Variants in RBBP5 observed in about 807,000 individuals in gnomAD.
RBBP5 encodes retinoblastoma-binding protein 5.
Under a neutral mutation model 72.2 loss-of-function variants are expected in RBBP5, and 5 were observed. That is an observed-to-expected ratio of 0.07 (90% CI 0.04 to 0.15). The LOEUF (loss-of-function observed/expected upper bound fraction) is 0.15, where lower values mean the gene tolerates loss of function less well. RBBP5 is among the 10% of genes least tolerant of loss of function. The pLI is 1.00. For missense variants in RBBP5, 322 were observed against 652.2 expected (o/e 0.49, Z 5.51); for synonymous variants, 209 against 237.2 (o/e 0.88, Z 1.09).
chr1:205,113,457 T>G (rs1157734984), intron 3 of RBBP5, among the ~76,000 whole-genome samples: 1 of 152,012 alleles, frequency 6.6e-6, no homozygotes, highest in Non-Finnish European at 1.5e-5. Flanking sequence ...TTTTTTTACT[T>G]TTTGTAGAGA....
At chr1:205,096,182 G>C (rs1198183365) in intron 12 of RBBP5, among the ~76,000 whole-genome samples, 4 of 151,870 alleles carry the variant, frequency 2.6e-5, no homozygotes, top group African/African-American at 9.7e-5. Flanking sequence ...AACAGAGCGA[G>C]ACCCTGTCTC....
intron 3 of RBBP5, among the ~76,000 whole-genome samples, chr1:205,112,353 T>A (rs1656350708): frequency 6.6e-6 from 1 of 152,098 alleles, no homozygotes. Context: ...ATAAATTATC[T>A]CATCTATGAC....
intron 3 of RBBP5, 126 bp from the exon 4 acceptor site, chr1:205,105,294 C>A: frequency 2.8e-6 from 3 of 1,083,042 alleles, no homozygotes; most frequent in Non-Finnish European, 3.9e-6. Flanking sequence ...GGTTTTGTTC[C>A]ACGTATACTC....
chr1:205,095,990 C>A (rs575231535), intron 12 of RBBP5, among the ~76,000 whole-genome samples: 18 of 152,060 alleles, frequency 1.2e-4, no homozygotes, highest in African/African-American at 4.3e-4. Flanking sequence ...GTCTGGAGTT[C>A]GAGACCAGCC....
At chr1:205,103,643 C>A (rs1455716098) in intron 5 of RBBP5, among the ~76,000 whole-genome samples, 1 of 152,118 alleles carries the variant, frequency 6.6e-6, no homozygotes. Context: ...CAGTAAAGGT[C>A]CTCCCATGCT....
chr1:205,105,312 T>C, intron 3 of RBBP5, 144 bp from the exon 4 acceptor site: 1 of 867,630 alleles, frequency 1.2e-6, no homozygotes, highest in South Asian at 2.1e-5. Context: ...CTCAAATCCA[T>C]AAGCTTTTCC....
In RBBP5 at chr1:205,088,536, C is replaced by A; in HGVS notation, c.*251G>T. 2.1e-6 allele frequency: 1 copy of A among 467,544 alleles called. No homozygotes were observed. Among genetic ancestry groups the A allele is most frequent in the South Asian group, 3.3e-5 (1 of 29,996 alleles). The allele number at this position is 467,544 out of a possible 1,614,324, so 29.0% of individuals were successfully genotyped here. On this transcript the variant is annotated 3_prime_UTR_variant, in exon 14 of 14. Coordinates refer to ENST00000264515, the MANE Select transcript of RBBP5 (RefSeq NM_005057.4). ...ATCAAAGTTTAAATGAGTCAAAATT[C>A]CTATCTGATGTCTTCACAAATCTTC...
At chr1:205,089,582 C>T (rs1248480687) in intron 13 of RBBP5, among the ~76,000 whole-genome samples, 1 of 152,146 alleles carries the variant, frequency 6.6e-6, no homozygotes, top group Non-Finnish European at 1.5e-5. Flanking sequence ...ATCGCCCAAA[C>T]TATGAAAGAA....
At position 205,098,716 on chromosome 1, in the gene RBBP5, G is replaced by A. The variant is rs1655707593; in HGVS notation, c.1096+273C>T. Among the ~76,000 whole-genome samples, 2 of 151,890 alleles carry A rather than the reference G, an allele frequency of 1.3e-5. 1 individual carries two copies. Among genetic ancestry groups the A allele is most frequent in the South Asian group, 4.2e-4 (2 of 4,812 alleles). Reference sequence around the variant, plus strand: ...AAAAATTCGCTGGGAGTGGTGGCAGGCACCTGTAATCCCAGCTACTCGGGA... The same window carrying A: ...AAAAATTCGCTGGGAGTGGTGGCAGACACCTGTAATCCCAGCTACTCGGGA... On this transcript the variant is annotated intron_variant, in intron 10 of 13. Coordinates refer to ENST00000264515, the MANE Select transcript of RBBP5 (RefSeq NM_005057.4).
chr1:205,109,772 G>T (rs1656231605), intron 3 of RBBP5, among the ~76,000 whole-genome samples: 1 of 152,056 alleles, frequency 6.6e-6, no homozygotes, highest in African/African-American at 2.4e-5. Flanking sequence ...CTTTTTCACA[G>T]CTTCTTTCCC....
At chr1:205,096,537 T>C (rs1558572208) in intron 12 of RBBP5, 145 bp downstream of exon 12, 1 of 707,096 alleles carries the variant, frequency 1.4e-6, no homozygotes, top group Non-Finnish European at 2.4e-6. Flanking sequence ...ACGCAATCAT[T>C]ATAAAGTTGT....
Position 205,105,160 on chromosome 1 carries a change from C to T in RBBP5, c.227G>A (p.Arg76Gln), listed in dbSNP as rs762914157. Residue 76 changes from arginine to glutamine, a missense_variant, in exon 4 of 14, where the codon CGA becomes CAA. Physicochemically the swap from Arg to Gln is conservative, Grantham distance 43 (BLOSUM62 1). Coordinates refer to ENST00000264515, the MANE Select transcript of RBBP5 (RefSeq NM_005057.4). ...IHPVCSLCWS[R>Q]DGHKLVSAST... ...AGCACTCACGAGTTTATGACCATCT[C>T]GGCTCCAGCTGAGGAAAAAAAAGGG... The T allele has an allele frequency of 3.1e-6, 5 of 1,610,160 alleles. No homozygotes were observed. The highest frequency in any genetic ancestry group is 1.7e-5 in the Admixed American group (1 of 59,928).
chr1:205,102,502 G>A (rs892968242), intron 5 of RBBP5, among the ~76,000 whole-genome samples: 3 of 152,172 alleles, frequency 2.0e-5, no homozygotes, highest in African/African-American at 4.8e-5. Context: ...TCTAGGGGCT[G>A]GCGGAGAGCA....
In RBBP5 at chr1:205,117,810, C is replaced by T. The variant is rs1053298636; in HGVS notation, c.20-1927G>A. ...TCTGTATCTGTACATATATATATAT[C>T]CATATATATATTTATTTGTTTTGAG... is the stretch of plus-strand genomic sequence containing the variant. On this transcript the variant is annotated intron_variant, in intron 1 of 13. Transcript: ENST00000264515. Among the ~76,000 whole-genome samples, 3 of 151,598 alleles carry T rather than the reference C, an allele frequency of 2.0e-5. No homozygotes were observed. In the East Asian group the frequency reaches 5.8e-4, roughly 29 times the overall value.
rs769321537 is a variant in RBBP5, at chr1:205,095,082, AT to A, written c.1397-19del. ...ATGGACTTCTGTAGGACAGACAGGCATGGAAAGGAATCCACATGACACCAGT... is the reference window on the plus strand; with the variant it reads ...ATGGACTTCTGTAGGACAGACAGGCAGGAAAGGAATCCACATGACACCAGT... On this transcript the variant is annotated intron_variant, in intron 12 of 13. Transcript: ENST00000264515. The A allele has an allele frequency of 6.2e-7, 1 of 1,612,844 alleles. No homozygotes were observed. The highest frequency in any genetic ancestry group is 8.5e-7 in the Non-Finnish European group (1 of 1,179,042).
chr1:205,104,857 A>C (rs1655991343), intron 4 of RBBP5, among the ~76,000 whole-genome samples, 171 bp downstream of exon 4: 1 of 152,166 alleles, frequency 6.6e-6, no homozygotes, highest in Non-Finnish European at 1.5e-5. Context: ...AAAGAAAGAA[A>C]GAAAGAAATG....
intron 13 of RBBP5, chr1:205,091,334 G>C (rs1655341348): frequency 6.6e-6 from 1 of 152,246 alleles, no homozygotes; most frequent in Non-Finnish European, 1.5e-5. Context: ...AGTATTTAAA[G>C]TAACTAAGAA....
intron 3 of RBBP5, among the ~76,000 whole-genome samples, chr1:205,111,227 AC>A (rs752516925): frequency 6.6e-6 from 1 of 152,210 alleles, no homozygotes; most frequent in Non-Finnish European, 1.5e-5. Flanking sequence ...GAACTCATAG[AC>A]CAAATGCCCT....
intron 12 of RBBP5, 114 bp downstream of exon 12, chr1:205,096,568 C>A: frequency 1.1e-6 from 1 of 923,014 alleles, no homozygotes; most frequent in Non-Finnish European, 1.7e-6. Flanking sequence ...AAAACAGACT[C>A]ATGGGAAAAT....
Sources: allele counts gnomAD v4.1 joint callset (sites outside exome capture counted in the v4.1 genomes callset), GRCh38; gene constraint gnomAD v4.1.1; transcripts MANE v1.5; gene names NCBI Gene and HGNC (gene_info 2026-07-23, HGNC 2026-07-21).